ST6GAL2: variants seen among roughly 807,000 people sequenced by gnomAD.
The protein encoded by ST6GAL2 is ST6 beta-galactoside alpha-2,6-sialyltransferase 2, also known as beta-galactoside alpha-2,6-sialyltransferase 2.
A neutral mutation model predicts 37.5 loss-of-function variants in ST6GAL2; 24 were observed. That is an observed-to-expected ratio of 0.64 (90% CI 0.46 to 0.90). The LOEUF (loss-of-function observed/expected upper bound fraction) is 0.90. Among genes scored for constraint, ST6GAL2 ranks in the 40% least tolerant of loss-of-function variants. The pLI is 0.00. For missense variants in ST6GAL2, 715 were observed against 712.7 expected, an observed-to-expected ratio of 1.00 and a Z score of -0.04; for synonymous variants, 306 against 295.1, an observed-to-expected ratio of 1.04 and a Z score of -0.38.
intron 1 of ST6GAL2, among the ~76,000 whole-genome samples, chr2:106,857,761 C>A (rs1226148996): frequency 2.6e-5 from 4 of 152,124 alleles, no homozygotes; most frequent in Admixed American, 2.0e-4. Flanking sequence ...ATCATCTTGA[C>A]CTGAGTGTTC....
At chr2:106,846,245 C>T (rs1423416668) in intron 1 of ST6GAL2, among the ~76,000 whole-genome samples, 5 of 152,098 alleles carry the variant, frequency 3.3e-5, no homozygotes, top group East Asian at 3.9e-4. Context: ...TTCTAAACCA[C>T]GAAGTTATTT....
intron 5 of ST6GAL2, among the ~76,000 whole-genome samples, chr2:106,811,306 A>G (rs760460641): frequency 2.0e-5 from 3 of 152,206 alleles, no homozygotes; most frequent in Non-Finnish European, 2.9e-5. Flanking sequence ...TTTGCAAAAG[A>G]GAACTAGGTA....
chr2:106,883,915 A>G (rs1410755737), intron 1 of ST6GAL2, among the ~76,000 whole-genome samples: 1 of 152,212 alleles, frequency 6.6e-6, no homozygotes, highest in Non-Finnish European at 1.5e-5. Context: ...AATATCTCCA[A>G]GTTTTTGGAA....
At chr2:106,846,778 C>T (rs1184881194) in intron 1 of ST6GAL2, among the ~76,000 whole-genome samples, 7 of 152,146 alleles carry the variant, frequency 4.6e-5, no homozygotes, top group East Asian at 1.9e-4. Flanking sequence ...TGCCAAGAAG[C>T]GAGCGTAGAA....
chr2:106,848,253 A>G (rs1295506012), intron 1 of ST6GAL2, among the ~76,000 whole-genome samples: 2 of 152,242 alleles, frequency 1.3e-5, no homozygotes, highest in East Asian at 3.9e-4. Flanking sequence ...GAGTTCCCTC[A>G]TTAGCAGAAT....
rs1422753542 is a variant in ST6GAL2, at chr2:106,804,222, TC to T, written c.*2455del. 1 of 152,068 alleles carries T rather than the reference TC, an allele frequency of 6.6e-6. No homozygotes were observed. Among genetic ancestry groups the T allele is most frequent in the Non-Finnish European group, 1.5e-5 (1 of 68,020 alleles). 9.4% of individuals were successfully genotyped at this position (152,068 alleles called of 1,614,324 possible). On this transcript the variant is annotated 3_prime_UTR_variant, in exon 6 of 6. Transcript: ENST00000409382. ...AAAAGTACAATGACTACGACAAAAT[TC>T]CATTTAAAAATCTTTAAAGTGTTGG...
intron 1 of ST6GAL2, among the ~76,000 whole-genome samples, chr2:106,857,764 G>C (rs557636915): frequency 6.6e-6 from 1 of 152,196 alleles, no homozygotes; most frequent in South Asian, 2.1e-4. Context: ...ATCTTGACCT[G>C]AGTGTTCTCT....
At chr2:106,853,304 G>T (rs762293379) in intron 1 of ST6GAL2, among the ~76,000 whole-genome samples, 1 of 152,144 alleles carries the variant, frequency 6.6e-6, no homozygotes, top group African/African-American at 2.4e-5. Context: ...ACTGCCAGGC[G>T]GATTTTGCCT....
chr2:106,825,457 A>G (rs1440410872), intron 5 of ST6GAL2, among the ~76,000 whole-genome samples: 2 of 152,282 alleles, frequency 1.3e-5, no homozygotes, highest in Non-Finnish European at 2.9e-5. Context: ...CTCCCAGATT[A>G]CTGACCCATG....
chr2:106,830,868 TGTG>T (rs1285696545), intron 4 of ST6GAL2, among the ~76,000 whole-genome samples: 1 of 152,160 alleles, frequency 6.6e-6, no homozygotes, highest in Non-Finnish European at 1.5e-5. Flanking sequence ...AGTTTTTCAT[TGTG>T]GTGGTAGATA....
In ST6GAL2 at chr2:106,803,238, G is replaced by A. The variant is rs984215430; in HGVS notation, c.*3440C>T. On this transcript the variant is annotated 3_prime_UTR_variant, in exon 6 of 6. Coordinates refer to ENST00000409382, the MANE Select transcript of ST6GAL2 (RefSeq NM_001142351.2). Reference sequence around the variant, plus strand: ...TACTGGAGAGTCCAGGATTGATTAAGTGTCTGGCTGAGAGACCAAGAGGAC... The same window carrying A: ...TACTGGAGAGTCCAGGATTGATTAAATGTCTGGCTGAGAGACCAAGAGGAC... 2.0e-5 allele frequency: 3 copies of A among 152,196 alleles called. No individual in the cohort carries two copies. Among genetic ancestry groups the A allele is most frequent in the African/African-American group, 7.2e-5 (3 of 41,456 alleles). The allele number at this position is 152,196 out of a possible 1,614,324, so 9.4% of individuals were successfully genotyped here.
chr2:106,804,839 CT>C lies in ST6GAL2; in HGVS notation c.*1838del, dbSNP rs1245873258. ...CCTGGGCGACAGAGCGAGAGACTGT[CT>C]CAAAAAAAAAAAAAAAAAAGAAAAG... On this transcript the variant is annotated 3_prime_UTR_variant, in exon 6 of 6. Coordinates refer to ENST00000409382, the MANE Select transcript of ST6GAL2 (RefSeq NM_001142351.2). 2 of 15,360 alleles carry C rather than the reference CT, an allele frequency of 1.3e-4. No homozygotes were observed. The highest frequency in any genetic ancestry group is 3.6e-4 in the African/African-American group (2 of 5,544). The allele number at this position is 15,360 out of a possible 1,614,324, so 1.0% of individuals were successfully genotyped here. A position where few individuals can be genotyped will look rare whatever the true frequency, so the allele number is the denominator to read the frequency against.
At chr2:106,807,022 G>C in intron 5 of ST6GAL2, 73 bp from the exon 6 acceptor site, 1 of 1,349,644 alleles carries the variant, frequency 7.4e-7, no homozygotes, top group South Asian at 1.4e-5. Context: ...TGGGGGAGGG[G>C]TGGTGGTGAT....
intron 1 of ST6GAL2, among the ~76,000 whole-genome samples, chr2:106,880,370 GAACAGC>G (rs1390988619): frequency 1.3e-5 from 2 of 152,202 alleles, no homozygotes; most frequent in African/African-American, 4.8e-5. Context: ...TCATCACAGA[GAACAGC>G]TAACCAATAT....
chr2:106,844,857 A>T (rs1169667444), intron 1 of ST6GAL2, among the ~76,000 whole-genome samples: 2 of 152,222 alleles, frequency 1.3e-5, no homozygotes, highest in Non-Finnish European at 2.9e-5. Flanking sequence ...ATACAATGAA[A>T]GAGAATGAAC....
At chr2:106,827,937 G>A (rs892756627) in intron 5 of ST6GAL2, among the ~76,000 whole-genome samples, 2 of 152,228 alleles carry the variant, frequency 1.3e-5, no homozygotes, top group East Asian at 1.9e-4. Flanking sequence ...ACAGCAGAGG[G>A]GAATTCAAAC....
chr2:106,844,134 G>A, intron 1 of ST6GAL2, 100 bp from the exon 2 acceptor site: 1 of 586,362 alleles, frequency 1.7e-6, no homozygotes, highest in Non-Finnish European at 2.9e-6. Context: ...GTGGTGGGGT[G>A]GGGTTGTAGA....
chr2:106,854,382 A>AC (rs1337870169), intron 1 of ST6GAL2, among the ~76,000 whole-genome samples: 1 of 152,214 alleles, frequency 6.6e-6, no homozygotes, highest in Non-Finnish European at 1.5e-5. Flanking sequence ...TGTGCTTAGC[A>AC]CTGTGCCTGG....
At chr2:106,847,455 G>T (rs895695935) in intron 1 of ST6GAL2, among the ~76,000 whole-genome samples, 1 of 152,228 alleles carries the variant, frequency 6.6e-6, no homozygotes, top group African/African-American at 2.4e-5. Flanking sequence ...CCCATTGGGT[G>T]CACTGCAGTA....
Sources: allele counts gnomAD v4.1 joint callset (sites outside exome capture counted in the v4.1 genomes callset), GRCh38; gene constraint gnomAD v4.1.1; transcripts MANE v1.5; gene names NCBI Gene and HGNC (gene_info 2026-07-23, HGNC 2026-07-21).